The following ABCC9 variants were observed in gnomAD, a reference collection of about 807,000 sequenced individuals.
The protein encoded by ABCC9 is ATP binding cassette subfamily C member 9.
Under a neutral mutation model 188.3 loss-of-function variants are expected in ABCC9, and 95 were observed. That is an observed-to-expected ratio of 0.50 (90% CI 0.43 to 0.60). The LOEUF (loss-of-function observed/expected upper bound fraction) is 0.60, where lower values mean the gene tolerates loss of function less well. Among genes scored for constraint, ABCC9 ranks in the 20% least tolerant of loss-of-function variants. The probability of loss-of-function intolerance (pLI) is 0.00; values close to 1 mark genes in which losing one functional copy is unlikely to be tolerated. For synonymous variants in ABCC9, 659 were observed against 652.7 expected, an observed-to-expected ratio of 1.01 and a Z score of -0.15; for missense variants, 1,102 against 1,876.3, an observed-to-expected ratio of 0.59 and a Z score of 7.62.
chr12:21,894,227 C>A lies in ABCC9; in HGVS notation c.1660-53G>T, dbSNP rs905485392. On this transcript the variant is annotated intron_variant, in intron 13 of 39. Transcript: ENST00000261200. ...AAAGCTGGAAAAAGTGTCACACATG[C>A]GTACATTCAGTCCTAGAAACCTAAC... 1.1e-5 allele frequency: 18 copies of A among 1,594,802 alleles called. No homozygotes were observed. The East Asian group carries it at 3.6e-4, about 32-fold the overall frequency.
intron 22 of ABCC9, among the ~76,000 whole-genome samples, chr12:21,856,061 T>C (rs1470435717): frequency 6.6e-6 from 1 of 152,192 alleles, no homozygotes; most frequent in Non-Finnish European, 1.5e-5. Flanking sequence ...AGAGTTATTA[T>C]GAGAATTAAG....
At chr12:21,805,311 G>A in intron 39 of ABCC9, 1 of 1,613,566 alleles carries the variant, frequency 6.2e-7, no homozygotes, top group Non-Finnish European at 8.5e-7. Flanking sequence ...GAGACACGGT[G>A]CTGGAGAGAA....
intron 7 of ABCC9, 73 bp from the exon 8 acceptor site, chr12:21,913,139 G>T: frequency 1.5e-6 from 2 of 1,329,728 alleles, no homozygotes; most frequent in Non-Finnish European, 2.1e-6. Flanking sequence ...CTAATCTCAT[G>T]TATGGAAATT....
intron 16 of ABCC9, among the ~76,000 whole-genome samples, chr12:21,879,826 C>T (rs1001495649): frequency 1.3e-5 from 2 of 151,654 alleles, no homozygotes; most frequent in African/African-American, 4.9e-5. Context: ...GCCTCTTTCC[C>T]CCAAGGGTCC....
intron 31 of ABCC9, among the ~76,000 whole-genome samples, chr12:21,824,954 T>A (rs761127836): frequency 2.6e-5 from 4 of 152,096 alleles, no homozygotes; most frequent in African/African-American, 4.8e-5. Context: ...TTTGTTGATC[T>A]ATTTTGTTGA....
intron 5 of ABCC9, among the ~76,000 whole-genome samples, chr12:21,917,996 T>G (rs572898591): frequency 2.7e-5 from 4 of 149,572 alleles, no homozygotes; most frequent in Non-Finnish European, 5.9e-5. Flanking sequence ...GTGTATCTTG[T>G]TTTAGCTTAA....
At position 21,799,402 on chromosome 12, in the gene ABCC9, T is replaced by C. The variant is rs958313630; in HGVS notation, c.*1642A>G. ...ACACCATTTTAGGAGAGTGGTTGAA[T>C]TTTTAGAAAATATTTGCAAGACATA... On this transcript the variant is annotated 3_prime_UTR_variant, in exon 40 of 40. Coordinates refer to ENST00000261200, the MANE Select transcript of ABCC9 (RefSeq NM_020297.4). The C allele has an allele frequency of 1.3e-5, 2 of 152,150 alleles. No homozygotes were observed. The highest frequency in any genetic ancestry group is 1.9e-4 in the East Asian group (1 of 5,206). 9.4% of individuals were successfully genotyped at this position (152,150 alleles called of 1,614,324 possible).
intron 18 of ABCC9, among the ~76,000 whole-genome samples, chr12:21,868,915 A>C (rs566072656): frequency 6.6e-6 from 1 of 152,324 alleles, no homozygotes; most frequent in South Asian, 2.1e-4. Flanking sequence ...CTGGAATGAA[A>C]AGAGTAATTA....
chr12:21,827,186 T>A, intron 31 of ABCC9: 2 of 985,502 alleles, frequency 2.0e-6, no homozygotes, highest in Non-Finnish European at 2.4e-6. Flanking sequence ...TTCTAATTTT[T>A]CCTGACCTTC....
chr12:21,842,523 T>C (rs1348425531), intron 28 of ABCC9, 52 bp from the exon 29 acceptor site: 2 of 1,576,380 alleles, frequency 1.3e-6, no homozygotes, highest in Admixed American at 1.7e-5. Flanking sequence ...AAATATTGGC[T>C]GCAATGTAAC....
intron 31 of ABCC9, chr12:21,827,387 A>T (rs190064203): frequency 1.9e-5 from 16 of 860,034 alleles, no homozygotes; most frequent in Non-Finnish European, 2.2e-5. Context: ...CCTAAAAGAC[A>T]TACTTGATCT....
At chr12:21,836,292 T>C (rs969869399) in intron 30 of ABCC9, among the ~76,000 whole-genome samples, 1 of 152,306 alleles carries the variant, frequency 6.6e-6, no homozygotes, top group Admixed American at 6.5e-5. Context: ...GGATCCAGTC[T>C]AAGTTATTTA....
intron 16 of ABCC9, among the ~76,000 whole-genome samples, chr12:21,878,029 C>T (rs1209946004): frequency 1.3e-5 from 2 of 151,892 alleles, no homozygotes; most frequent in East Asian, 1.9e-4. Flanking sequence ...AAACAATGAC[C>T]GTGAAATTAA....
At chr12:21,832,137 T>C (rs1943797371) in intron 30 of ABCC9, among the ~76,000 whole-genome samples, 1 of 152,170 alleles carries the variant, frequency 6.6e-6, no homozygotes, top group East Asian at 1.9e-4. Flanking sequence ...ATCCAGCTCA[T>C]CTTCTGAACA....
At chr12:21,848,318 C>T in intron 24 of ABCC9, 72 bp from the exon 25 acceptor site, 7 of 1,331,706 alleles carry the variant, frequency 5.3e-6, no homozygotes, top group Middle Eastern at 1.9e-4. Flanking sequence ...GAATGACTCA[C>T]ACGTGTAAAT....
intron 14 of ABCC9, among the ~76,000 whole-genome samples, chr12:21,889,198 A>G (rs1947024820): frequency 6.6e-6 from 1 of 152,190 alleles, no homozygotes; most frequent in Non-Finnish European, 1.5e-5. Context: ...GAGGCAATCT[A>G]TTAGCTGTCA....
intron 31 of ABCC9, among the ~76,000 whole-genome samples, chr12:21,819,761 A>G (rs1942916663): frequency 6.6e-6 from 1 of 152,200 alleles, no homozygotes; most frequent in Non-Finnish European, 1.5e-5. Context: ...ATAAAACATC[A>G]AAGGTTAAAG....
intron 15 of ABCC9, among the ~76,000 whole-genome samples, chr12:21,884,042 A>G (rs1416527960): frequency 6.6e-6 from 1 of 152,004 alleles, no homozygotes; most frequent in Non-Finnish European, 1.5e-5. Context: ...TTCCAGAAAC[A>G]TATTGAGTCA....
At position 21,936,639 on chromosome 12, in the gene ABCC9, T is replaced by A; in HGVS notation, c.36A>T (p.Ser12=). 2 of 1,611,384 alleles carry A rather than the reference T, an allele frequency of 1.2e-6. No homozygotes were observed. Among genetic ancestry groups the A allele is most frequent in the Non-Finnish European group, 1.7e-6 (2 of 1,177,646 alleles). The change falls in exon 3 of 40, where the codon TCA becomes TCT. Residue 12 remains serine, a synonymous_variant. Transcript: ENST00000261200. ...GTAGTACACCATCGTTGATATTATA[T>A]GAAGAAATGTTGTTACCACAAAATG... ...SLSFCGNNIS[S]YNINDGVLQN... is the part of the protein sequence containing the mutation.
Sources: allele counts gnomAD v4.1 joint callset (sites outside exome capture counted in the v4.1 genomes callset), GRCh38; gene constraint gnomAD v4.1.1; transcripts MANE v1.5; gene names NCBI Gene and HGNC (gene_info 2026-07-23, HGNC 2026-07-21).